AFF1: variants seen among roughly 807,000 people sequenced by gnomAD.
AFF1 encodes AF4/FMR2 family member 1.
In AFF1, 48 loss-of-function variants were observed where a neutral mutation model predicts 121.7. That is an observed-to-expected ratio of 0.39 (90% CI 0.31 to 0.50). The LOEUF (loss-of-function observed/expected upper bound fraction) is 0.50, where lower values mean the gene tolerates loss of function less well. Ranked by LOEUF, AFF1 falls within the 20% of genes least tolerant of loss-of-function variation. AFF1 has a pLI of 0.76. For synonymous variants in AFF1, 613 were observed against 563.0 expected, an observed-to-expected ratio of 1.09 and a Z score of -1.26; for missense variants, 1,523 against 1,511.7, an observed-to-expected ratio of 1.01 and a Z score of -0.12.
In AFF1 at chr4:86,952,865, TTTTA is replaced by T. The variant is rs200677248; in HGVS notation, c.38+4310_38+4313del. Reference sequence around the variant, plus strand: ...CCGGCTACTTTTTGTATTTTGTATTTTTTATTTATTTATTTATTTTCAGTAGAGA... The same window carrying T: ...CCGGCTACTTTTTGTATTTTGTATTTTTTATTTATTTATTTTCAGTAGAGA... On this transcript the variant is annotated intron_variant, in intron 2 of 20. Transcript: ENST00000395146. Among the ~76,000 whole-genome samples the T allele has an allele frequency of 8.9e-4, 129 of 145,758 alleles. No homozygotes were observed. In the South Asian group the frequency reaches 0.01, roughly 12 times the overall value.
At chr4:86,950,208 C>T (rs576929393) in intron 2 of AFF1, 177 of 1,241,418 alleles carry the variant, frequency 1.4e-4, no homozygotes, top group Non-Finnish European at 1.9e-4. Flanking sequence ...GACAAAGTTT[C>T]GCTATTGTTG....
intron 4 of AFF1, 114 bp from the exon 5 acceptor site, chr4:87,084,006 C>A: frequency 3.3e-6 from 3 of 901,386 alleles, no homozygotes; most frequent in Non-Finnish European, 3.6e-6. Flanking sequence ...TAATACTTAG[C>A]TAGTAGAAGG....
chr4:87,130,560 G>C (rs79248563), intron 16 of AFF1, among the ~76,000 whole-genome samples: 2,213 of 152,276 alleles, frequency 0.015, 54 homozygotes, highest in African/African-American at 0.051. Flanking sequence ...CTCGGAGGAT[G>C]GTTTTGTGCA....
intron 4 of AFF1, among the ~76,000 whole-genome samples, chr4:87,069,977 C>T (rs756918243): frequency 1.1e-4 from 17 of 151,688 alleles, no homozygotes; most frequent in African/African-American, 3.1e-4. Context: ...TGTGCCACAA[C>T]GCCTGACTAA....
chr4:86,998,824 A>G (rs1467838290), intron 2 of AFF1, among the ~76,000 whole-genome samples: 1 of 152,192 alleles, frequency 6.6e-6, no homozygotes, highest in African/African-American at 2.4e-5. Flanking sequence ...AATAAAGAGA[A>G]GTATCTAAAG....
intron 4 of AFF1, among the ~76,000 whole-genome samples, chr4:87,074,955 A>G (rs1722499841): frequency 6.6e-6 from 1 of 152,192 alleles, no homozygotes; most frequent in African/African-American, 2.4e-5. Context: ...TCATAATTAA[A>G]AGAGGCCCTC....
intron 2 of AFF1, among the ~76,000 whole-genome samples, chr4:87,039,348 T>C (rs1249712077): frequency 6.6e-6 from 1 of 152,002 alleles, no homozygotes; most frequent in Non-Finnish European, 1.5e-5. Context: ...CAGCATGGGG[T>C]TGACTAAATG....
chr4:87,115,295 G>T lies in AFF1; in HGVS notation c.2462G>T (p.Arg821Ile). The T allele has an allele frequency of 6.3e-7, 1 of 1,593,192 alleles. No individual in the cohort carries two copies. The highest frequency in any genetic ancestry group is 2.3e-5 in the East Asian group (1 of 43,758). ...AGCTCAAGCAAGTTGGCCAAAAAGA[G>T]AAAGGTGAGTGTGGGGAGACTGCCC... ...SDSSSKLAKK[R>I]KGEAERDCDN... The change falls in exon 12 of 21, where the codon AGA (arginine) becomes ATA (isoleucine). Residue 821 changes from arginine to isoleucine, a missense_variant. This residue lies in a region of AFF1 where 905 missense variants were observed against 842.5 expected (regional missense o/e 1.07). Coordinates refer to ENST00000395146, the MANE Select transcript of AFF1 (RefSeq NM_001166693.3).
chr4:86,941,918 G>A (rs1720489958), intron 1 of AFF1, among the ~76,000 whole-genome samples: 1 of 151,000 alleles, frequency 6.6e-6, no homozygotes, highest in Non-Finnish European at 1.5e-5. Flanking sequence ...TGGAGAAATT[G>A]TCTCCGAACA....
intron 14 of AFF1, among the ~76,000 whole-genome samples, 188 bp downstream of exon 14, chr4:87,126,524 G>A (rs979215121): frequency 6.6e-6 from 1 of 152,118 alleles, no homozygotes; most frequent in Non-Finnish European, 1.5e-5. Context: ...CAAAGATTTA[G>A]GTGTCGATTT....
At chr4:86,990,954 C>T (rs1724655343) in intron 2 of AFF1, among the ~76,000 whole-genome samples, 1 of 150,368 alleles carries the variant, frequency 6.7e-6, no homozygotes, top group Admixed American at 6.6e-5. Context: ...GAGTTCGAGA[C>T]AAGCCTGGCC....
intron 2 of AFF1, among the ~76,000 whole-genome samples, chr4:86,955,453 C>T (rs919395626): frequency 1.3e-5 from 2 of 152,168 alleles, no homozygotes; most frequent in Admixed American, 1.3e-4. Context: ...TGCCATTTCA[C>T]TAACATGTTC....
At chr4:86,943,864 A>G (rs924751144) in intron 1 of AFF1, among the ~76,000 whole-genome samples, 6 of 152,058 alleles carry the variant, frequency 3.9e-5, no homozygotes, top group East Asian at 1.9e-4. Context: ...CGGGAGGCTG[A>G]GGCAGGAGAA....
intron 2 of AFF1, among the ~76,000 whole-genome samples, chr4:87,008,951 C>A (rs1348818191): frequency 2.0e-5 from 3 of 151,460 alleles, no homozygotes; most frequent in Non-Finnish European, 4.4e-5. Flanking sequence ...CAGACTGCTA[C>A]AGAGGTCCAT....
chr4:87,137,765 A>T lies in AFF1; in HGVS notation c.*2064A>T, dbSNP rs547884259. 4.3e-6 allele frequency: 1 copy of T among 232,408 alleles called. No homozygotes were observed. The highest frequency in any genetic ancestry group is 1.8e-4 in the South Asian group (1 of 5,522). 14.4% of individuals were successfully genotyped at this position (232,408 alleles called of 1,614,324 possible). A position where few individuals can be genotyped will look rare whatever the true frequency, so the allele number is the denominator to read the frequency against. ...CACCAGAATCAGGCTTTATTTCGAT[A>T]TTGAAGATGTTATTTAACATCTTTC... On this transcript the variant is annotated 3_prime_UTR_variant, in exon 21 of 21. Transcript: ENST00000395146.
rs1164306538 is a variant in AFF1, at chr4:87,134,493, C to T, written c.3334C>T (p.Leu1112Phe). 6.2e-7 allele frequency: 1 copy of T among 1,607,616 alleles called. No individual in the cohort carries two copies. Among genetic ancestry groups the T allele is most frequent in the East Asian group, 2.2e-5 (1 of 44,850 alleles). ...IARSTGTPSP[L>F]SPMPSPASSV... ...CAGAAGCACAGGCACACCATCCCCT[C>T]TTTCCCCAATGCCTTCTCCTGCCAG... is the stretch of plus-strand genomic sequence containing the variant. The change falls in exon 20 of 21, where the codon CTT (leucine) becomes TTT (phenylalanine). Residue 1112 changes from leucine to phenylalanine, a missense_variant. Physicochemically the swap from Leu to Phe is conservative, Grantham distance 22. This residue lies in a region of AFF1 where 241 missense variants were observed against 265.2 expected (regional missense o/e 0.91). Coordinates refer to ENST00000395146, the MANE Select transcript of AFF1 (RefSeq NM_001166693.3).
Position 87,108,201 on chromosome 4 carries a change from C to A in AFF1, c.1419C>A (p.Ser473=), listed in dbSNP as rs146991025. The change falls in exon 11 of 21, where the codon TCC becomes TCA. Residue 473 remains serine (S), a synonymous_variant. Transcript: ENST00000395146. Reference sequence around the variant, plus strand: ...CAGAACCAGTGGCATCAGCACATTCCAGCAGTGCAGAGTCAGAAAGCACCA... The same window carrying A: ...CAGAACCAGTGGCATCAGCACATTCAAGCAGTGCAGAGTCAGAAAGCACCA... ...SLPEPVASAH[S]SSAESESTSD... The A allele has an allele frequency of 4.4e-4, 718 of 1,614,098 alleles. 6 individuals carry two copies. The highest frequency in any genetic ancestry group is 3.8e-4 in the East Asian group (17 of 44,886).
At chr4:86,998,098 CAAAAAAAAAAAAAAAAAA>C (rs56741955) in intron 2 of AFF1, among the ~76,000 whole-genome samples, 2 of 91,746 alleles carry the variant, frequency 2.2e-5, no homozygotes, top group Non-Finnish European at 4.2e-5. Context: ...AACTCCGTCT[CAAAAAAAAAAAAAAAAAA>C]AAAAAAAAAA....
chr4:87,104,054 C>A (rs1463970749), intron 8 of AFF1, among the ~76,000 whole-genome samples: 1 of 152,102 alleles, frequency 6.6e-6, no homozygotes, highest in Admixed American at 6.5e-5. Context: ...TTTTTGTATA[C>A]CATTACGTTG....
Sources: gnomAD v4.1 joint callset for allele counts (sites outside exome capture counted in the v4.1 genomes callset) on GRCh38, gnomAD v4.1.1 for gene constraint, gnomAD v4.1.1 regional missense constraint, MANE v1.5 for transcripts, NCBI Gene and HGNC (gene_info 2026-07-23, HGNC 2026-07-21) for gene names.